Variants in CDK19 observed in about 807,000 individuals in gnomAD.
CDK19 encodes cyclin dependent kinase 19.
Under a neutral mutation model 68.3 loss-of-function variants are expected in CDK19, and 20 were observed. The ratio of observed to expected loss-of-function variants is 0.29; its 90% confidence interval spans 0.21 to 0.43. The LOEUF (loss-of-function observed/expected upper bound fraction) is 0.43, where lower values mean the gene tolerates loss of function less well. Among genes scored for constraint, CDK19 ranks in the 20% least tolerant of loss-of-function variants. The pLI, the probability that CDK19 is intolerant of heterozygous loss-of-function variation, is 1.00. For synonymous variants in CDK19, 221 were observed against 222.8 expected (o/e 0.99, Z 0.07); for missense variants, 339 against 623.5 (o/e 0.54, Z 4.86).
Position 110,667,581 on chromosome 6 carries a change from AT to A in CDK19, c.316-8del. 6.9e-7 allele frequency: 1 copy of A among 1,454,006 alleles called. No individual in the cohort carries two copies. Among genetic ancestry groups the A allele is most frequent in the Non-Finnish European group, 9.4e-7 (1 of 1,068,414 alleles). 90.1% of individuals were successfully genotyped at this position (1,454,006 alleles called of 1,614,324 possible). A position where few individuals can be genotyped will look rare whatever the true frequency, so the allele number is the denominator to read the frequency against. ...GGTGAAACTTAATAATATGCTAAAA[AT>A]TAAAAAAAAACATAATAATATAGTC... On this transcript the variant is annotated splice_polypyrimidine_tract_variant and splice_region_variant and intron_variant, in intron 3 of 12. Coordinates refer to ENST00000368911, the MANE Select transcript of CDK19 (RefSeq NM_015076.5).
chr6:110,660,266 G>A (rs1053826986), intron 4 of CDK19, among the ~76,000 whole-genome samples: 1 of 152,054 alleles, frequency 6.6e-6, no homozygotes. Flanking sequence ...TCTCAGGAGG[G>A]GAAGCATGCA....
rs146646369 is a variant in CDK19, at chr6:110,697,778, T to C, written c.205-27237A>G. ...AATTTCAAACTATACTACAAGGCTA[T>C]AGTTACCAGAACAGCATGGTACTGG... On this transcript the variant is annotated intron_variant, in intron 2 of 12. Coordinates refer to ENST00000368911, the MANE Select transcript of CDK19 (RefSeq NM_015076.5). Among the ~76,000 whole-genome samples, 322 of 152,226 alleles carry C rather than the reference T, an allele frequency of 2.1e-3. 2 individuals are homozygous for C. Among genetic ancestry groups the C allele is most frequent in the African/African-American group, 7.5e-3 (311 of 41,528 alleles).
At chr6:110,700,412 T>C (rs1582894233) in intron 2 of CDK19, 1 of 152,196 alleles carries the variant, frequency 6.6e-6, no homozygotes, top group Admixed American at 6.5e-5. Flanking sequence ...TGGGGACTGC[T>C]AGCTTATAGA....
intron 1 of CDK19, among the ~76,000 whole-genome samples, chr6:110,780,301 A>G (rs940971160): frequency 8.6e-5 from 13 of 151,448 alleles, no homozygotes; most frequent in Admixed American, 2.0e-4. Context: ...GAGGCAGAAG[A>G]ATCACTTGAA....
chr6:110,784,086 G>T (rs186501168), intron 1 of CDK19, among the ~76,000 whole-genome samples: 1 of 149,316 alleles, frequency 6.7e-6, no homozygotes. Context: ...TTGAGCTGGG[G>T]AGGCAGAGGC....
intron 1 of CDK19, chr6:110,814,232 G>C (rs1260925097): frequency 7.3e-6 from 2 of 275,528 alleles, no homozygotes; most frequent in South Asian, 3.1e-5. Context: ...AGGATGGAGT[G>C]GAGGACATAA....
intron 2 of CDK19, among the ~76,000 whole-genome samples, chr6:110,724,316 T>C (rs1296864746): frequency 2.0e-5 from 3 of 152,040 alleles, no homozygotes; most frequent in South Asian, 2.1e-4. Flanking sequence ...GATCACGCCA[T>C]TGCACTGCAG....
chr6:110,734,479 A>G (rs578036875), intron 2 of CDK19, among the ~76,000 whole-genome samples: 1 of 138,074 alleles, frequency 7.2e-6, no homozygotes, highest in Admixed American at 7.7e-5. Flanking sequence ...AAAACAGTCA[A>G]CTCCTCAAAT....
intron 4 of CDK19, among the ~76,000 whole-genome samples, chr6:110,644,000 A>G: frequency 6.6e-6 from 1 of 151,828 alleles, no homozygotes; most frequent in East Asian, 1.9e-4. Context: ...ACTTTTAAAA[A>G]TTAAAACAAT....
At chr6:110,756,095 C>T (rs181130060) in intron 1 of CDK19, among the ~76,000 whole-genome samples, 11 of 151,960 alleles carry the variant, frequency 7.2e-5, no homozygotes, top group Admixed American at 3.3e-4. Context: ...TCTGTCTCTA[C>T]TAAAAATACG....
intron 2 of CDK19, among the ~76,000 whole-genome samples, chr6:110,677,570 T>TA (rs538974161): frequency 0.13 from 7,473 of 59,688 alleles, 314 homozygotes; most frequent in African/African-American, 0.22. Context: ...CATCTCAACA[T>TA]AAAAAAAAAA....
At chr6:110,727,991 A>AC (rs1007557958) in intron 2 of CDK19, among the ~76,000 whole-genome samples, 1 of 150,790 alleles carries the variant, frequency 6.6e-6, no homozygotes, top group African/African-American at 2.4e-5. Context: ...CTGTCTCAAA[A>AC]AAAAAAAAAA....
intron 2 of CDK19, among the ~76,000 whole-genome samples, chr6:110,733,555 C>G (rs1451099588): frequency 6.6e-6 from 1 of 152,160 alleles, no homozygotes; most frequent in Non-Finnish European, 1.5e-5. Context: ...TATACCGTTT[C>G]ATGCTTCCAT....
chr6:110,684,452 A>G (rs1772283212), intron 2 of CDK19, among the ~76,000 whole-genome samples: 1 of 115,068 alleles, frequency 8.7e-6, no homozygotes, highest in Non-Finnish European at 1.7e-5. Context: ...GGGGTGGGGA[A>G]TAAGGGGTGG....
rs531703262 is a variant in CDK19, at chr6:110,745,946, C to T, written c.204+180G>A. 7.8e-4 allele frequency among the ~76,000 whole-genome samples: 118 copies of T among 152,152 alleles called. 3 individuals are homozygous for T. The Middle Eastern group carries it at 0.024, about 31-fold the overall frequency. Reference sequence around the variant, plus strand: ...CCTGGGCAACAAAATGAGATCCTGTCTCAAAATTTAAAAATAAAATAAAAA... The same window carrying T: ...CCTGGGCAACAAAATGAGATCCTGTTTCAAAATTTAAAAATAAAATAAAAA... On this transcript the variant is annotated intron_variant, in intron 2 of 12. Transcript: ENST00000368911.
intron 2 of CDK19, among the ~76,000 whole-genome samples, chr6:110,721,835 G>A (rs571480773): frequency 1.6e-4 from 25 of 151,952 alleles, no homozygotes; most frequent in Admixed American, 3.9e-4. Flanking sequence ...GTGGTGGTGC[G>A]CGCCTGTAAT....
chr6:110,724,704 G>A (rs191707743), intron 2 of CDK19, among the ~76,000 whole-genome samples: 1 of 152,150 alleles, frequency 6.6e-6, no homozygotes, highest in East Asian at 1.9e-4. Context: ...AGAAGACTTG[G>A]CAATCAAGTA....
rs988808607 is a variant in CDK19 at position 110,730,013 on chromosome 6, A to G, written c.204+16113T>C. 2.0e-5 allele frequency among the ~76,000 whole-genome samples: 3 copies of G among 152,196 alleles called. No homozygotes were observed. The East Asian group carries it at 5.8e-4, about 29-fold the overall frequency. ...ATAGATGGCCCAAGACTAAATAGCTACATACCTCCACTGTTATAAGCAAGG... is the reference window on the plus strand; with the variant it reads ...ATAGATGGCCCAAGACTAAATAGCTGCATACCTCCACTGTTATAAGCAAGG... On this transcript the variant is annotated intron_variant, in intron 2 of 12. Transcript: ENST00000368911.
At chr6:110,807,374 C>G (rs1420685200) in intron 1 of CDK19, among the ~76,000 whole-genome samples, 1 of 152,150 alleles carries the variant, frequency 6.6e-6, no homozygotes, top group African/African-American at 2.4e-5. Context: ...AGAAAATCCT[C>G]TTAAAGGACA....
Sources: gnomAD v4.1 joint callset for allele counts (sites outside exome capture counted in the v4.1 genomes callset) on GRCh38, gnomAD v4.1.1 for gene constraint, MANE v1.5 for transcripts, NCBI Gene and HGNC (gene_info 2026-07-23, HGNC 2026-07-21) for gene names.